Variants in MATN2 observed in about 807,000 individuals in gnomAD.
MATN2 encodes the protein matrilin-2.
Under a neutral mutation model 103.2 loss-of-function variants are expected in MATN2, and 69 were observed. The ratio of observed to expected loss-of-function variants is 0.67; its 90% CI spans 0.55 to 0.82. The LOEUF (loss-of-function observed/expected upper bound fraction) is 0.82. Ranked by LOEUF, MATN2 falls within the 40% of genes least tolerant of loss-of-function variation. MATN2 has a pLI of 0.00. For synonymous variants in MATN2, 429 were observed against 450.2 expected (o/e 0.95, Z 0.60); for missense variants, 1,023 against 1,211.5 (o/e 0.84, Z 2.31).
intron 2 of MATN2, among the ~76,000 whole-genome samples, chr8:97,902,782 AG>A (rs944539467): frequency 5.3e-5 from 8 of 152,156 alleles, no homozygotes; most frequent in African/African-American, 1.7e-4. Flanking sequence ...CAGAAGTGCC[AG>A]GGCCAGGGCA....
At chr8:97,877,192 G>T (rs1026355417) in intron 1 of MATN2, among the ~76,000 whole-genome samples, 1 of 151,270 alleles carries the variant, frequency 6.6e-6, no homozygotes. Context: ...AAATTTTTTG[G>T]GGGGGCCAGG....
intron 3 of MATN2, among the ~76,000 whole-genome samples, chr8:97,941,182 AAAAG>A (rs1165245870): frequency 0.085 from 4,899 of 57,802 alleles, 362 homozygotes; most frequent in African/African-American, 0.13. Flanking sequence ...AAAAAAAAAA[AAAAG>A]AAAGAAAGAA....
chr8:97,957,471 T>C (rs868147623), intron 4 of MATN2, among the ~76,000 whole-genome samples: 1 of 152,190 alleles, frequency 6.6e-6, no homozygotes, highest in Admixed American at 6.5e-5. Flanking sequence ...TTCCCTTGGG[T>C]CGGTACAAAT....
chr8:97,988,189 T>TATATATATATACACAC lies in MATN2; in HGVS notation c.1082-6290_1082-6289insTATATATATACACACA, dbSNP rs71570279. The stretch of plus-strand genomic sequence containing the variant: ...AAAAAAAAATATATATATATATATA[T>TATATATATATACACAC]ACACACACACACATATGTATACACA... On this transcript the variant is annotated intron_variant, in intron 6 of 18. Transcript: ENST00000254898. 4.7e-4 allele frequency among the ~76,000 whole-genome samples: 26 copies of TATATATATATACACAC among 54,898 alleles called. 1 individual carries two copies. Among genetic ancestry groups the TATATATATATACACAC allele is most frequent in the African/African-American group, 1.9e-3 (25 of 12,824 alleles). 36.0% of individuals were successfully genotyped at this position (54,898 alleles called of 152,430 possible).
At chr8:97,890,569 TC>T (rs1175127194) in intron 2 of MATN2, among the ~76,000 whole-genome samples, 1 of 152,072 alleles carries the variant, frequency 6.6e-6, no homozygotes, top group Admixed American at 6.5e-5. Context: ...TTTTTTTTTC[TC>T]ATTTTGATGG....
intron 16 of MATN2, 68 bp from the exon 17 acceptor site, chr8:98,032,973 TC>T: frequency 6.8e-7 from 1 of 1,477,454 alleles, no homozygotes; most frequent in Middle Eastern, 1.8e-4. Context: ...AGTACCTTAC[TC>T]TGCTGATGGC....
At chr8:97,876,595 A>G (rs1033213761) in intron 1 of MATN2, among the ~76,000 whole-genome samples, 4 of 152,182 alleles carry the variant, frequency 2.6e-5, no homozygotes, top group Non-Finnish European at 5.9e-5. Flanking sequence ...AAGTGCTAGC[A>G]TTACAGGCTT....
Position 97,931,429 on chromosome 8 carries a change from A to T in MATN2, c.619A>T (p.Ile207Phe). 1 of 1,613,784 alleles carries T rather than the reference A, an allele frequency of 6.2e-7. No homozygotes were observed. The highest frequency in any genetic ancestry group is 8.5e-7 in the Non-Finnish European group (1 of 1,179,868). The change falls in exon 3 of 19, where the codon ATT (isoleucine) becomes TTT (phenylalanine). Residue 207 changes from isoleucine to phenylalanine, a missense_variant. Physicochemically the swap from Ile to Phe is conservative, Grantham distance 21. Transcript: ENST00000254898. The surrounding 1 kb of genome is among the most constrained non-coding windows in gnomAD (Gnocchi z 4.1). ...GGTAGACTTCAACACCTTGAAGTCCATTGGGAGTGAGCCCCATGAGGACCA... is the reference window on the plus strand; with the variant it reads ...GGTAGACTTCAACACCTTGAAGTCCTTTGGGAGTGAGCCCCATGAGGACCA... ...GQVDFNTLKS[I>F]GSEPHEDHVF... is the part of the protein sequence containing the mutation.
At chr8:97,943,844 T>C (rs1192495920) in intron 4 of MATN2, among the ~76,000 whole-genome samples, 1 of 152,204 alleles carries the variant, frequency 6.6e-6, no homozygotes, top group Admixed American at 6.5e-5. Flanking sequence ...GATATTTATT[T>C]TCCGTGGGCT....
At chr8:97,930,189 T>C (rs1427513827) in intron 2 of MATN2, among the ~76,000 whole-genome samples, 1 of 152,354 alleles carries the variant, frequency 6.6e-6, no homozygotes, top group African/African-American at 2.4e-5. Flanking sequence ...TAGCAGCTAT[T>C]GTCAGGACGA....
chr8:97,897,020 CA>C (rs1322845153), intron 2 of MATN2, among the ~76,000 whole-genome samples: 1 of 152,042 alleles, frequency 6.6e-6, no homozygotes, highest in Non-Finnish European at 1.5e-5. Flanking sequence ...CAGGGCTAGG[CA>C]GTGGGATCAG....
At chr8:97,876,661 C>T (rs1259283725) in intron 1 of MATN2, among the ~76,000 whole-genome samples, 1 of 152,090 alleles carries the variant, frequency 6.6e-6, no homozygotes, top group Non-Finnish European at 1.5e-5. Flanking sequence ...CAAAAAAGTA[C>T]ACTAATCAAG....
At chr8:97,870,040 A>C (rs1817839239) in intron 1 of MATN2, among the ~76,000 whole-genome samples, 1 of 152,142 alleles carries the variant, frequency 6.6e-6, no homozygotes, top group African/African-American at 2.4e-5. Context: ...TCGGCCTTTA[A>C]GGAATGGGGC....
intron 11 of MATN2, among the ~76,000 whole-genome samples, chr8:98,016,963 C>A (rs1333500508): frequency 1.3e-5 from 2 of 152,148 alleles, no homozygotes; most frequent in African/African-American, 4.8e-5. Flanking sequence ...GGGTATATTG[C>A]AATTCTTTGC....
intron 4 of MATN2, chr8:97,952,406 C>T (rs1480027296): frequency 6.6e-6 from 1 of 152,254 alleles, no homozygotes; most frequent in Non-Finnish European, 1.5e-5. Flanking sequence ...AATTCTGAAA[C>T]GTTGGTGAAA....
At chr8:97,932,180 TAGAC>T (rs1396350594) in intron 3 of MATN2, among the ~76,000 whole-genome samples, 1 of 152,112 alleles carries the variant, frequency 6.6e-6, no homozygotes, top group Non-Finnish European at 1.5e-5. Flanking sequence ...GAAGAGTAGA[TAGAC>T]AGAGTTTTTC....
intron 2 of MATN2, among the ~76,000 whole-genome samples, chr8:97,898,698 ATG>A (rs760672653): frequency 8.7e-4 from 132 of 152,242 alleles, no homozygotes; most frequent in Middle Eastern, 3.4e-3. Context: ...TATCCCTTAA[ATG>A]TCTCATACAA....
intron 1 of MATN2, among the ~76,000 whole-genome samples, chr8:97,884,257 C>T (rs1379656530): frequency 6.6e-6 from 1 of 151,658 alleles, no homozygotes; most frequent in Non-Finnish European, 1.5e-5. Context: ...TCTCCTGCCT[C>T]AGCCTTCCAA....
At chr8:98,017,206 C>T (rs985035832) in intron 11 of MATN2, among the ~76,000 whole-genome samples, 1 of 152,200 alleles carries the variant, frequency 6.6e-6, no homozygotes, top group Non-Finnish European at 1.5e-5. Flanking sequence ...GGAAAGTTGC[C>T]TAACTTCTCT....
Sources: gnomAD v4.1 joint callset for allele counts (sites outside exome capture counted in the v4.1 genomes callset) on GRCh38, gnomAD v4.1.1 for gene constraint, Gnocchi (gnomAD v3.1) non-coding constraint, MANE v1.5 for transcripts, NCBI Gene and HGNC (gene_info 2026-07-23, HGNC 2026-07-21) for gene names.